The following SHTN1 variants were observed in gnomAD, a reference collection of about 807,000 sequenced individuals.
The protein encoded by SHTN1 is shootin 1, also known as shootin-1.
SHTN1 carries 42 observed loss-of-function variants against 83.1 expected under a neutral mutation model. The observed-to-expected ratio is 0.51, with a 90% CI of 0.39 to 0.65. SHTN1 has a LOEUF of 0.65. Among genes scored for constraint, SHTN1 ranks in the 30% least tolerant of loss-of-function variants. The probability of loss-of-function intolerance (pLI) is 0.00; values close to 1 mark genes in which losing one functional copy is unlikely to be tolerated. For synonymous variants in SHTN1, 224 were observed against 247.7 expected, an observed-to-expected ratio of 0.90 and a Z score of 0.90; for missense variants, 622 against 737.8, an observed-to-expected ratio of 0.84 and a Z score of 1.82.
At chr10:116,933,989 T>C (rs1332256040) in intron 9 of SHTN1, among the ~76,000 whole-genome samples, 3 of 152,056 alleles carry the variant, frequency 2.0e-5, no homozygotes, top group Admixed American at 1.3e-4. Flanking sequence ...TCTGTTCATA[T>C]ACTTTGCCCA....
intron 2 of SHTN1, among the ~76,000 whole-genome samples, chr10:116,972,584 T>C (rs1850655285): frequency 6.6e-6 from 1 of 152,240 alleles, no homozygotes; most frequent in African/African-American, 2.4e-5. Flanking sequence ...ATGTTTCATC[T>C]TTCCACCACA....
chr10:116,927,686 A>G lies in SHTN1; in HGVS notation c.1112+106T>C, dbSNP rs889429101. ...ACTGGCCTTTAGAAAAATTTCCAAG[A>G]GAAGCATCAGCTAGTATCTTTCATG... On this transcript the variant is annotated intron_variant, in intron 11 of 16. Transcript: ENST00000355371. The G allele has an allele frequency of 8.0e-6, 11 of 1,379,558 alleles. No homozygotes were observed. The African/African-American group carries it at 1.6e-4, about 21-fold the overall frequency. The allele number at this position is 1,379,558 out of a possible 1,614,324, so 85.5% of individuals were successfully genotyped here.
chr10:116,886,391 CTTT>C lies in SHTN1; in HGVS notation c.1846_1848del (p.Lys616del), dbSNP rs1847164850. The C allele has an allele frequency of 3.2e-6, 5 of 1,570,788 alleles. No individual in the cohort carries two copies. The highest frequency in any genetic ancestry group is 4.3e-6 in the Non-Finnish European group (5 of 1,155,966). ...TCTCTCACGTTTTCAATGCTGTCTT[CTTT>C]GTTTTCTGGTTGAATTTCGCCTTCA... On this transcript the variant is annotated inframe_deletion, in exon 17 of 17. Coordinates refer to ENST00000355371, the MANE Select transcript of SHTN1 (RefSeq NM_001127211.3).
intron 7 of SHTN1, among the ~76,000 whole-genome samples, chr10:116,947,945 CA>C (rs906194436): frequency 6.6e-6 from 1 of 151,842 alleles, no homozygotes; most frequent in Non-Finnish European, 1.5e-5. Flanking sequence ...CCTTTATTTA[CA>C]AAAAAAATTC....
At chr10:116,981,625 T>A (rs1851021791) in intron 1 of SHTN1, among the ~76,000 whole-genome samples, 1 of 152,260 alleles carries the variant, frequency 6.6e-6, no homozygotes, top group Non-Finnish European at 1.5e-5. Context: ...TATAAGTATT[T>A]TATTAAAAGA....
At chr10:116,985,300 C>T (rs1171991675) in intron 1 of SHTN1, among the ~76,000 whole-genome samples, 1 of 152,128 alleles carries the variant, frequency 6.6e-6, no homozygotes, top group Non-Finnish European at 1.5e-5. Context: ...ATTTTACAAA[C>T]AAAGACACAA....
intron 1 of SHTN1, among the ~76,000 whole-genome samples, chr10:117,063,572 T>C (rs577713762): frequency 6.6e-6 from 1 of 152,284 alleles, no homozygotes; most frequent in East Asian, 1.9e-4. Flanking sequence ...GAGATTTCTG[T>C]TTTCCTTATG....
chr10:116,909,768 G>T (rs1452525633), intron 14 of SHTN1, among the ~76,000 whole-genome samples: 1 of 152,102 alleles, frequency 6.6e-6, no homozygotes, highest in Non-Finnish European at 1.5e-5. Flanking sequence ...TTAGCAGAAG[G>T]CCAAATCACT....
chr10:116,886,582 T>G lies in SHTN1; in HGVS notation c.1674-16A>C. 6.2e-7 allele frequency: 1 copy of G among 1,610,964 alleles called. No homozygotes were observed. Among genetic ancestry groups the G allele is most frequent in the Non-Finnish European group, 8.5e-7 (1 of 1,178,544 alleles). On this transcript the variant is annotated splice_polypyrimidine_tract_variant and intron_variant, in intron 16 of 16. Transcript: ENST00000355371. ...ACTGGGAGGCCTATGAGATGAAGAG[T>G]TAGACAAAAAAAGTAAAAAGCAGAG... is the stretch of plus-strand genomic sequence containing the variant.
intron 3 of SHTN1, among the ~76,000 whole-genome samples, chr10:116,961,660 G>C (rs889467092): frequency 2.0e-5 from 3 of 152,126 alleles, no homozygotes; most frequent in Non-Finnish European, 4.4e-5. Flanking sequence ...GGCTTGGCAG[G>C]GGCCCCCCTC....
intron 3 of SHTN1, among the ~76,000 whole-genome samples, chr10:116,964,758 A>C (rs990944693): frequency 1.3e-5 from 2 of 152,096 alleles, no homozygotes; most frequent in Non-Finnish European, 1.5e-5. Context: ...CAAGGCAGGC[A>C]GATCACCTGA....
intron 16 of SHTN1, among the ~76,000 whole-genome samples, chr10:116,899,506 G>GGTGA (rs1554906587): frequency 2.4e-5 from 3 of 124,582 alleles, no homozygotes; most frequent in African/African-American, 8.8e-5. Flanking sequence ...GGCTGGGGCT[G>GGTGA]GTGTGTGTGT....
chr10:116,916,637 G>C (rs1055117890), intron 12 of SHTN1, among the ~76,000 whole-genome samples: 11 of 152,178 alleles, frequency 7.2e-5, no homozygotes, highest in African/African-American at 2.7e-4. Context: ...ATTAGGCTTT[G>C]CAATAAGGAG....
At chr10:116,900,621 G>A in intron 16 of SHTN1, 1 of 1,524,732 alleles carries the variant, frequency 6.6e-7, no homozygotes, top group East Asian at 2.5e-5. Context: ...CAGCCAAATT[G>A]CTTTTGTGTC....
At chr10:116,942,494 T>TG (rs1849417799) in intron 8 of SHTN1, among the ~76,000 whole-genome samples, 1 of 152,062 alleles carries the variant, frequency 6.6e-6, no homozygotes, top group Non-Finnish European at 1.5e-5. Flanking sequence ...ATTACAGACG[T>TG]GAGCCACCAT....
Position 116,884,424 on chromosome 10 carries a change from C to A in SHTN1, c.*1920G>T. The A allele has an allele frequency of 2.8e-6, 1 of 361,340 alleles. No individual in the cohort carries two copies. The highest frequency in any genetic ancestry group is 5.6e-6 in the Non-Finnish European group (1 of 178,776). 22.4% of individuals were successfully genotyped at this position (361,340 alleles called of 1,614,324 possible). ...GAGAAAGTAAGCAGCTTAAAAAAGG[C>A]AGGAATACTTTCAAAATACCTGTTA... On this transcript the variant is annotated 3_prime_UTR_variant, in exon 17 of 17. Transcript: ENST00000355371.
intron 12 of SHTN1, 62 bp downstream of exon 12, chr10:116,921,372 T>C (rs1000968603): frequency 3.8e-5 from 44 of 1,171,068 alleles, no homozygotes; most frequent in Non-Finnish European, 5.2e-5. Context: ...ACTTAACAAA[T>C]ATGTGAATTG....
chr10:117,065,842 AAGGAAGGAAGGAAAGGAGGGAG>A (rs1852989212), intron 1 of SHTN1, among the ~76,000 whole-genome samples: 1 of 49,506 alleles, frequency 2.0e-5, no homozygotes, highest in Non-Finnish European at 4.2e-5. Context: ...GGAAGGAAGG[AAGGAAGGAAGGAAAGGAGGGAG>A]GGAGGGAGGG....
At chr10:117,049,783 A>G (rs1852715161) in intron 1 of SHTN1, among the ~76,000 whole-genome samples, 1 of 152,194 alleles carries the variant, frequency 6.6e-6, no homozygotes, top group South Asian at 2.1e-4. Context: ...GTACTGAAAA[A>G]TTCCATGATG....
Sources: allele counts gnomAD v4.1 joint callset (sites outside exome capture counted in the v4.1 genomes callset), GRCh38; gene constraint gnomAD v4.1.1; transcripts MANE v1.5; gene names NCBI Gene and HGNC (gene_info 2026-07-23, HGNC 2026-07-21).